The following ARFGEF3 variants were observed in gnomAD, a reference collection of about 807,000 sequenced individuals.
ARFGEF3 encodes brefeldin A-inhibited guanine nucleotide-exchange protein 3.
A neutral mutation model predicts 221.7 loss-of-function variants in ARFGEF3; 96 were observed. The observed-to-expected ratio is 0.43, with a 90% CI of 0.37 to 0.51. The LOEUF (loss-of-function observed/expected upper bound fraction) is 0.51. ARFGEF3 is among the 20% of genes least tolerant of loss of function. The pLI is 0.00. For synonymous variants in ARFGEF3, 1,145 were observed against 1,126.8 expected (o/e 1.02, Z -0.32); for missense variants, 2,410 against 2,789.9 (o/e 0.86, Z 3.07).
chr6:138,219,442 A>G (rs1041528397), intron 4 of ARFGEF3, among the ~76,000 whole-genome samples: 20 of 152,228 alleles, frequency 1.3e-4, no homozygotes, highest in African/African-American at 4.6e-4. Flanking sequence ...AGGATGATTC[A>G]GGAATCAGCA....
In ARFGEF3 at chr6:138,161,967, G is replaced by A; in HGVS notation, c.-120G>A. 2.8e-6 allele frequency: 1 copy of A among 359,140 alleles called. No individual in the cohort carries two copies. Among genetic ancestry groups the A allele is most frequent in the Non-Finnish European group, 4.6e-6 (1 of 217,672 alleles). The allele number at this position is 359,140 out of a possible 1,614,324, so 22.2% of individuals were successfully genotyped here. On this transcript the variant is annotated 5_prime_UTR_variant, in exon 1 of 34. Coordinates refer to ENST00000251691, the MANE Select transcript of ARFGEF3 (RefSeq NM_020340.5). ...ATTCATCAGCATCCGCGCCGGGGCGGCATGGGGGCGCGCGCGGCGGCCGCC... is the reference window on the plus strand; with the variant it reads ...ATTCATCAGCATCCGCGCCGGGGCGACATGGGGGCGCGCGCGGCGGCCGCC...
chr6:138,324,016 TC>T lies in ARFGEF3; in HGVS notation c.4870-3del. 1 of 1,611,814 alleles carries T rather than the reference TC, an allele frequency of 6.2e-7. No individual in the cohort carries two copies. ...GCATTCAGTGAGCATCTGCTGTTTC[TC>T]CCCAGGACCTGCTGGGCTGCTTCCA... On this transcript the variant is annotated splice_region_variant and splice_polypyrimidine_tract_variant and intron_variant, in intron 30 of 33. Transcript: ENST00000251691.
At chr6:138,217,265 G>A (rs929163921) in intron 4 of ARFGEF3, 3 of 152,112 alleles carry the variant, frequency 2.0e-5, no homozygotes, top group African/African-American at 7.2e-5. Flanking sequence ...TAAATGCAGA[G>A]GCCCTCATCA....
At chr6:138,331,349 T>C (rs1414548724) in intron 32 of ARFGEF3, among the ~76,000 whole-genome samples, 1 of 152,270 alleles carries the variant, frequency 6.6e-6, no homozygotes, top group East Asian at 1.9e-4. Context: ...CCAAAATCTG[T>C]ATGCTTTGCA....
Position 138,263,172 on chromosome 6 carries a change from G to C in ARFGEF3, c.1689G>C (p.Val563=). The C allele has an allele frequency of 1.2e-6, 2 of 1,614,026 alleles. No individual in the cohort carries two copies. The highest frequency in any genetic ancestry group is 1.7e-6 in the Non-Finnish European group (2 of 1,179,896). ...AGGCGGTAGACCAGCCAGATGTCGT[G>C]CAGAGAAGCCACACGGTCCCTTACC... ...ETEAVDQPDV[V]QRSHTVPYPD... Residue 563 remains valine (V), a synonymous_variant, in exon 12 of 34, where the codon GTG becomes GTC. Coordinates refer to ENST00000251691, the MANE Select transcript of ARFGEF3 (RefSeq NM_020340.5).
chr6:138,191,368 C>A (rs984774473), intron 2 of ARFGEF3, among the ~76,000 whole-genome samples: 2 of 152,148 alleles, frequency 1.3e-5, no homozygotes, highest in Non-Finnish European at 2.9e-5. Context: ...ATGCCTGGCA[C>A]AGAGTGGGCA....
chr6:138,238,341 T>C (rs115609239), intron 5 of ARFGEF3, among the ~76,000 whole-genome samples, 168 bp from the exon 6 acceptor site: 1,523 of 152,296 alleles, frequency 0.01, 22 homozygotes, highest in African/African-American at 0.034. Flanking sequence ...AAAAACAAAT[T>C]TCCAGGGATT....
At chr6:138,301,238 G>T (rs1202786334) in intron 22 of ARFGEF3, among the ~76,000 whole-genome samples, 2 of 152,124 alleles carry the variant, frequency 1.3e-5, no homozygotes, top group Non-Finnish European at 2.9e-5. Context: ...CCATCTGAGG[G>T]GTCTGGAAAT....
chr6:138,213,242 C>T (rs568578309), intron 4 of ARFGEF3, among the ~76,000 whole-genome samples: 43 of 148,036 alleles, frequency 2.9e-4, no homozygotes, highest in Non-Finnish European at 5.2e-4. Flanking sequence ...GAGCTGAGAT[C>T]GTGCCACTGC....
chr6:138,262,756 G>A lies in ARFGEF3; in HGVS notation c.1273G>A (p.Ala425Thr), dbSNP rs1290545270. Residue 425 changes from alanine to threonine, a missense_variant, in exon 12 of 34, where the codon GCA becomes ACA. Around this residue, in one of 5 missense-constraint regions of ARFGEF3, gnomAD observed 570 missense variants for 586.9 expected, o/e 0.97. Transcript: ENST00000251691. ...CIKGGIEACY[A>T]AVSCVCTLLG... Reference sequence around the variant, plus strand: ...CAAGGGTGGCATCGAAGCTTGCTATGCAGCCGTGTCCTGTGTCTGCACCTT... The same window carrying A: ...CAAGGGTGGCATCGAAGCTTGCTATACAGCCGTGTCCTGTGTCTGCACCTT... 1.2e-5 allele frequency: 20 copies of A among 1,612,926 alleles called. No homozygotes were observed. In the South Asian group the frequency reaches 2.1e-4, roughly 17 times the overall value.
chr6:138,203,651 C>CT (rs947283236), intron 2 of ARFGEF3, among the ~76,000 whole-genome samples: 14 of 151,396 alleles, frequency 9.2e-5, no homozygotes, highest in Admixed American at 1.3e-4. Context: ...CATTTATCTT[C>CT]TTTTTTTTTA....
chr6:138,199,596 T>G (rs1777496827), intron 2 of ARFGEF3, among the ~76,000 whole-genome samples: 1 of 152,256 alleles, frequency 6.6e-6, no homozygotes, highest in South Asian at 2.1e-4. Context: ...TTTCAACTCC[T>G]TTGTTAGGTA....
At chr6:138,270,417 A>C (rs1778981297) in intron 12 of ARFGEF3, among the ~76,000 whole-genome samples, 2 of 100,264 alleles carry the variant, frequency 2.0e-5, no homozygotes, top group South Asian at 6.5e-4. Context: ...AACTTCAGGA[A>C]TTTTACGTAG....
intron 2 of ARFGEF3, among the ~76,000 whole-genome samples, chr6:138,188,594 T>C (rs746181234): frequency 6.6e-6 from 1 of 152,260 alleles, no homozygotes; most frequent in Non-Finnish European, 1.5e-5. Flanking sequence ...CAATTGCCAA[T>C]GTATTGCTAT....
At chr6:138,193,958 G>A (rs955351155) in intron 2 of ARFGEF3, among the ~76,000 whole-genome samples, 6 of 152,020 alleles carry the variant, frequency 3.9e-5, no homozygotes, top group Admixed American at 1.3e-4. Context: ...CTCTACAGTT[G>A]CATAAGGTTA....
chr6:138,235,748 C>G (rs1778273043), intron 5 of ARFGEF3, among the ~76,000 whole-genome samples: 1 of 151,202 alleles, frequency 6.6e-6, no homozygotes, highest in Admixed American at 6.6e-5. Context: ...GTCAAGATAG[C>G]TGAGAAAGCA....
chr6:138,311,523 T>A lies in ARFGEF3; in HGVS notation c.4200+13T>A. 6.4e-7 allele frequency: 1 copy of A among 1,565,350 alleles called. No individual in the cohort carries two copies. On this transcript the variant is annotated intron_variant, in intron 25 of 33. Coordinates refer to ENST00000251691, the MANE Select transcript of ARFGEF3 (RefSeq NM_020340.5). Reference sequence around the variant, plus strand: ...GCGCTGCTCTCAGGTAGGGGAATGGTCCAGCTGGGCTCCCGGCCTGGAAAC... The same window carrying A: ...GCGCTGCTCTCAGGTAGGGGAATGGACCAGCTGGGCTCCCGGCCTGGAAAC...
In ARFGEF3 at chr6:138,333,556, T is replaced by C. The variant is rs570228736; in HGVS notation, c.5124-414T>C. Among the ~76,000 whole-genome samples the C allele has an allele frequency of 3.9e-5, 6 of 152,224 alleles. No homozygotes were observed. The South Asian group carries it at 6.2e-4, about 16-fold the overall frequency. On this transcript the variant is annotated intron_variant, in intron 32 of 33. Coordinates refer to ENST00000251691, the MANE Select transcript of ARFGEF3 (RefSeq NM_020340.5). ...TCCCGGGTTCATGCCATTCTCCTGC[T>C]TCAGCCTCCCTAGTAAGCTGGGACT... is the stretch of plus-strand genomic sequence containing the variant.
intron 12 of ARFGEF3, among the ~76,000 whole-genome samples, chr6:138,274,777 A>G (rs1195636920): frequency 1.4e-5 from 2 of 141,312 alleles, no homozygotes; most frequent in Non-Finnish European, 3.0e-5. Flanking sequence ...CCTGGGCAAC[A>G]AAAGCGAAAC....
Sources: allele counts gnomAD v4.1 joint callset (sites outside exome capture counted in the v4.1 genomes callset), GRCh38; gene constraint gnomAD v4.1.1; regional missense constraint gnomAD v4.1.1; transcripts MANE v1.5; gene names NCBI Gene and HGNC (gene_info 2026-07-23, HGNC 2026-07-21).